The following TSBP1 variants were observed in gnomAD, a reference collection of about 807,000 sequenced individuals.
The protein encoded by TSBP1 is testis expressed basic protein 1, also known as testis-expressed basic protein 1.
Under a neutral mutation model 68.8 loss-of-function variants are expected in TSBP1, and 56 were observed. That is an observed-to-expected ratio of 0.81 (90% CI 0.66 to 1.02). TSBP1 has a LOEUF of 1.02. Among genes scored for constraint, TSBP1 ranks in the 50% least tolerant of loss-of-function variants. The probability of loss-of-function intolerance (pLI) is 0.00; values close to 1 mark genes in which losing one functional copy is unlikely to be tolerated. For synonymous variants in TSBP1, 171 were observed against 208.7 expected (o/e 0.82, Z 1.56); for missense variants, 502 against 641.2 (o/e 0.78, Z 2.34).
chr6:32,360,248 T>C (rs1188208725), intron 6 of TSBP1, among the ~76,000 whole-genome samples: 2 of 152,192 alleles, frequency 1.3e-5, no homozygotes, highest in East Asian at 3.8e-4. Context: ...TAAGGTTCCA[T>C]ATATACATGA....
rs1237929681 is a variant in TSBP1, at chr6:32,336,792, A to G, written c.410-157T>C. 6.6e-6 allele frequency among the ~76,000 whole-genome samples: 1 copy of G among 152,188 alleles called. No homozygotes were observed. Among genetic ancestry groups the G allele is most frequent in the East Asian group, 1.9e-4 (1 of 5,196 alleles). ...AGCCTGGAAGCTGCATAACCCTCCTACCAGATCAAATCATTCAGCATCCAT... is the reference window on the plus strand; with the variant it reads ...AGCCTGGAAGCTGCATAACCCTCCTGCCAGATCAAATCATTCAGCATCCAT... On this transcript the variant is annotated intron_variant, in intron 11 of 22. Transcript: ENST00000612031. The surrounding 1 kb of genome is among the most constrained non-coding windows in gnomAD (Gnocchi z 5.2).
intron 9 of TSBP1, among the ~76,000 whole-genome samples, chr6:32,342,395 C>T (rs749221083): frequency 2.2e-4 from 33 of 152,216 alleles, no homozygotes; most frequent in Admixed American, 1.8e-3. Flanking sequence ...CTCAGGTGAT[C>T]CACCTGCCTC....
chr6:32,294,368 A>G (rs1764485874), intron 22 of TSBP1, among the ~76,000 whole-genome samples: 1 of 152,228 alleles, frequency 6.6e-6, no homozygotes, highest in Admixed American at 6.5e-5. Context: ...AATTTGTTTT[A>G]AGGAAAAATT....
intron 14 of TSBP1, among the ~76,000 whole-genome samples, chr6:32,332,842 G>C (rs1035958231): frequency 2.0e-5 from 3 of 151,958 alleles, no homozygotes; most frequent in African/African-American, 7.3e-5. Context: ...TGAACTCCTG[G>C]TCTCAAGTGA....
intron 19 of TSBP1, among the ~76,000 whole-genome samples, chr6:32,307,135 A>C (rs1001900112): frequency 4.6e-5 from 7 of 152,012 alleles, no homozygotes; most frequent in Non-Finnish European, 1.0e-4. Flanking sequence ...TTTTTTAATC[A>C]TCTTGAGCTC....
Position 32,306,607 on chromosome 6 carries a change from A to G in TSBP1, c.581-3978T>C, listed in dbSNP as rs1362545450. ...CAATATTGTAAAAATCAGCACTAAAATTGTTTCCATTAGGAAGCCAGCAAT... is the reference window on the plus strand; with the variant it reads ...CAATATTGTAAAAATCAGCACTAAAGTTGTTTCCATTAGGAAGCCAGCAAT... On this transcript the variant is annotated intron_variant, in intron 19 of 22. Transcript: ENST00000612031. This position sits in a 1 kb window ranked among gnomAD's most constrained non-coding sequence, Gnocchi z 5.1. Among the ~76,000 whole-genome samples the G allele has an allele frequency of 1.3e-5, 2 of 152,186 alleles. No homozygotes were observed. The highest frequency in any genetic ancestry group is 2.9e-5 in the Non-Finnish European group (2 of 68,036).
Position 32,332,014 on chromosome 6 carries a change from G to T in TSBP1, c.493+20C>A. 6.3e-7 allele frequency: 1 copy of T among 1,576,556 alleles called. No homozygotes were observed. The highest frequency in any genetic ancestry group is 8.7e-7 in the Non-Finnish European group (1 of 1,146,972). ...AGTAAGAAGCCAGTAGAGATAAGTTGATATATACAGGCAGCTTACCAATAG... is the reference window on the plus strand; with the variant it reads ...AGTAAGAAGCCAGTAGAGATAAGTTTATATATACAGGCAGCTTACCAATAG... On this transcript the variant is annotated intron_variant, in intron 15 of 22. Transcript: ENST00000612031.
chr6:32,298,706 G>A (rs1467590645), intron 22 of TSBP1, among the ~76,000 whole-genome samples: 1 of 152,138 alleles, frequency 6.6e-6, no homozygotes, highest in Non-Finnish European at 1.5e-5. Flanking sequence ...TTAAATATAA[G>A]GACATATTTT....
intron 19 of TSBP1, among the ~76,000 whole-genome samples, chr6:32,308,725 A>T (rs1265776): frequency 2.6e-5 from 4 of 151,398 alleles, no homozygotes; most frequent in Non-Finnish European, 5.9e-5. Flanking sequence ...GATGTATGTC[A>T]CATTTCTATT....
Position 32,339,008 on chromosome 6 carries a change from C to T in TSBP1, c.389-9G>A. 1 of 1,610,904 alleles carries T rather than the reference C, an allele frequency of 6.2e-7. No individual in the cohort carries two copies. Among genetic ancestry groups the T allele is most frequent in the East Asian group, 2.2e-5 (1 of 44,838 alleles). On this transcript the variant is annotated splice_polypyrimidine_tract_variant and intron_variant, in intron 10 of 22. Coordinates refer to ENST00000612031, the Ensembl canonical transcript of TSBP1. ...GGCTCCTGCAGTTCTGGCTAAAATA[C>T]AAACAAAAAAGGTGAGTTTGAAGAG...
chr6:32,295,324 A>G lies in TSBP1; in HGVS notation c.638-1289T>C, dbSNP rs892684122. On this transcript the variant is annotated intron_variant, in intron 22 of 22. Transcript: ENST00000612031. The stretch of plus-strand genomic sequence containing the variant: ...GCACTCCAGTCTAGGTGACAGAGTG[A>G]TACTCCATCTCACACACACACACAC... Among the ~76,000 whole-genome samples, 12 of 140,418 alleles carry G rather than the reference A, an allele frequency of 8.5e-5. 1 individual carries two copies. Among genetic ancestry groups the G allele is most frequent in the Admixed American group, 1.5e-4 (2 of 13,326 alleles). The allele number at this position is 140,418 out of a possible 152,430, so 92.1% of individuals were successfully genotyped here. A position where few individuals can be genotyped will look rare whatever the true frequency, so the allele number is the denominator to read the frequency against.
intron 19 of TSBP1, among the ~76,000 whole-genome samples, chr6:32,305,392 G>T (rs1765698437): frequency 6.6e-6 from 1 of 152,188 alleles, no homozygotes; most frequent in Admixed American, 6.5e-5. Flanking sequence ...ATTAGAAGAA[G>T]TTAATGACTT....
At chr6:32,364,415 G>GTT (rs9279602) in intron 6 of TSBP1, among the ~76,000 whole-genome samples, 7 of 135,848 alleles carry the variant, frequency 5.2e-5, no homozygotes, top group Non-Finnish European at 7.9e-5. Context: ...TTTCTTTGTG[G>GTT]TTTTTTTTTT....
chr6:32,349,235 G>A (rs1223153006), intron 9 of TSBP1, among the ~76,000 whole-genome samples: 1 of 147,934 alleles, frequency 6.8e-6, no homozygotes, highest in Non-Finnish European at 1.5e-5. Flanking sequence ...GCAGGAATGA[G>A]TATCAGAACC....
intron 20 of TSBP1, 145 bp from the exon 24 acceptor site, chr6:32,300,845 C>T (rs1765212049): frequency 1.4e-6 from 1 of 707,978 alleles, no homozygotes; most frequent in Admixed American, 2.3e-5. Flanking sequence ...TTCCCTTCCC[C>T]CTTCTCTTTG....
At chr6:32,370,855 A>AAGAGAG (rs1554214192) in intron 1 of TSBP1, among the ~76,000 whole-genome samples, 28,413 of 150,014 alleles carry the variant, frequency 0.19, 2,845 homozygotes, top group South Asian at 0.25. Context: ...AAAAAAAGAA[A>AAGAGAG]AGAGAGAGAG....
rs1299094750 is a variant in TSBP1 at position 32,335,477 on chromosome 6, G to T, written c.452-20C>A. 2 of 1,427,024 alleles carry T rather than the reference G, an allele frequency of 1.4e-6. No individual in the cohort carries two copies. Among genetic ancestry groups the T allele is most frequent in the Non-Finnish European group, 9.4e-7 (1 of 1,069,406 alleles). The allele number at this position is 1,427,024 out of a possible 1,614,324, so 88.4% of individuals were successfully genotyped here. ...AGAGCTCTAAAAAAAAAAGAGAAAA[G>T]AAATCAGTAGCTATATATATATTTT... On this transcript the variant is annotated intron_variant, in intron 13 of 22. Transcript: ENST00000612031. The surrounding 1 kb of genome is among the most constrained non-coding windows in gnomAD (Gnocchi z 5.5).
exon 23 of TSBP1, chr6:32,293,686 A>C: frequency 6.2e-7 from 1 of 1,613,012 alleles, no homozygotes; most frequent in Non-Finnish European, 8.5e-7. Flanking sequence ...CTCTTGGTAC[A>C]TCTGACACAC....
chr6:32,300,538 T>C (rs529822654), intron 21 of TSBP1, 142 bp downstream of exon 24: 76 of 721,262 alleles, frequency 1.1e-4, no homozygotes, highest in Non-Finnish European at 1.2e-4. Context: ...AGAATTAAAA[T>C]TGAAATATGA....
Sources: allele counts gnomAD v4.1 joint callset (sites outside exome capture counted in the v4.1 genomes callset), GRCh38; gene constraint gnomAD v4.1.1; non-coding constraint Gnocchi (gnomAD v3.1); transcripts MANE v1.5; gene names NCBI Gene and HGNC (gene_info 2026-07-23, HGNC 2026-07-21).